P3H3: variants seen among roughly 807,000 people sequenced by gnomAD.
P3H3 encodes the protein prolyl 3-hydroxylase 3, also known as gene rich cluster, B.
P3H3 carries 64 observed loss-of-function variants against 78.1 expected under a neutral mutation model. The ratio of observed to expected loss-of-function variants is 0.82; its 90% CI spans 0.67 to 1.01. The LOEUF is 1.01. P3H3 is among the 50% of genes least tolerant of loss of function. P3H3 has a pLI of 0.00. For missense variants in P3H3, 975 were observed against 982.2 expected, an observed-to-expected ratio of 0.99 and a Z score of 0.10; for synonymous variants, 425 against 416.7, an observed-to-expected ratio of 1.02 and a Z score of -0.24.
In P3H3 at chr12:6,828,685, C is replaced by T; in HGVS notation, c.245C>T (p.Ala82Val). ...RVRLDCGASC[A>V]ADPGAALPAV... The stretch of plus-strand genomic sequence containing the variant: ...CGGCTGGATTGCGGGGCGAGCTGCG[C>T]GGCCGATCCGGGCGCCGCGCTCCCC... Residue 82 changes from alanine to valine, a missense_variant, in exon 1 of 15, where the codon GCG (alanine) becomes GTG (valine). By Grantham distance (64) the Ala-to-Val change is moderately conservative. Coordinates refer to ENST00000290510, the MANE Select transcript of P3H3 (RefSeq NM_014262.5). 8.1e-7 allele frequency: 1 copy of T among 1,240,602 alleles called. No individual in the cohort carries two copies. Among genetic ancestry groups the T allele is most frequent in the Non-Finnish European group, 1.0e-6 (1 of 992,418 alleles). 76.8% of individuals were successfully genotyped at this position (1,240,602 alleles called of 1,614,324 possible).
In P3H3 at chr12:6,833,631, A is replaced by G; in HGVS notation, c.1252A>G (p.Arg418Gly). Residue 418 changes from arginine (R) to glycine (G), a missense_variant, in exon 7 of 15, where the codon AGA becomes GGA. By Grantham distance (125) the Arg-to-Gly change is moderately radical. Coordinates refer to ENST00000290510, the MANE Select transcript of P3H3 (RefSeq NM_014262.5). ...TGCAGCTCTCATCCCTGAGGCACTTAGAGAAAAGCTCAGGTAGGATATGCC... is the reference window on the plus strand; with the variant it reads ...TGCAGCTCTCATCCCTGAGGCACTTGGAGAAAAGCTCAGGTAGGATATGCC... ...TPAALIPEAL[R>G]EKLREDQEKR... 1 of 1,613,870 alleles carries G rather than the reference A, an allele frequency of 6.2e-7. No homozygotes were observed. The highest frequency in any genetic ancestry group is 8.5e-7 in the Non-Finnish European group (1 of 1,179,840).
chr12:6,833,888 A>G (rs1555121773), intron 8 of P3H3, 37 bp from the exon 9 acceptor site: 1 of 1,613,756 alleles, frequency 6.2e-7, no homozygotes, highest in African/African-American at 1.3e-5. Flanking sequence ...CCCTTAGGGG[A>G]TGCTCAGCCC....
Position 6,829,860 on chromosome 12 carries a change from T to A in P3H3, c.500T>A (p.Leu167Ter), listed in dbSNP as rs782517902. The change falls in exon 2 of 15, where the codon TTG (leucine) becomes TAG (stop). Residue 167 changes from leucine (L) to a stop codon, truncating the protein, a stop_gained and splice_region_variant. Coordinates refer to ENST00000290510, the MANE Select transcript of P3H3 (RefSeq NM_014262.5). LOFTEE classifies it high-confidence loss of function. The surrounding 1 kb of genome is among the most constrained non-coding windows in gnomAD (Gnocchi z 5.1). ...YNYLQRAYYQ[L>*]KKLDLAAAAA... Reference sequence around the variant, plus strand: ...GCCCTCCTCCCTTCGCCTCCTCAGTTGAAGAAGCTGGATCTGGCAGCTGCG... The same window carrying A: ...GCCCTCCTCCCTTCGCCTCCTCAGTAGAAGAAGCTGGATCTGGCAGCTGCG... 1.1e-5 allele frequency: 18 copies of A among 1,613,808 alleles called. No individual in the cohort carries two copies. The highest frequency in any genetic ancestry group is 2.7e-5 in the African/African-American group (2 of 74,918).
In P3H3 at chr12:6,839,625, G is replaced by A. The variant is rs1565515757; in HGVS notation, c.*164G>A. On this transcript the variant is annotated 3_prime_UTR_variant, in exon 15 of 15. Transcript: ENST00000290510. ...GGACCTACAAGGGCCTGGACTCAGA[G>A]GACAGTGCACAGGCTAGCCTGGAGC... The A allele has an allele frequency of 2.2e-6, 2 of 918,968 alleles. No individual in the cohort carries two copies. Among genetic ancestry groups the A allele is most frequent in the Non-Finnish European group, 3.2e-6 (2 of 627,830 alleles). 56.9% of individuals were successfully genotyped at this position (918,968 alleles called of 1,614,324 possible).
In P3H3 at chr12:6,830,776, T is replaced by C. The variant is rs188188757; in HGVS notation, c.985+6T>C. The C allele has an allele frequency of 6.2e-4, 998 of 1,613,842 alleles. 1 individual carries two copies. In the African/African-American group the frequency reaches 0.011, roughly 18 times the overall value. On this transcript the variant is annotated splice_donor_region_variant and intron_variant, in intron 4 of 14. Transcript: ENST00000290510. The stretch of plus-strand genomic sequence containing the variant: ...ACATGAGGCCCATGCTCAGGGTCAG[T>C]TGGGGAAGGGTGGAAACGGGGAGTG...
At position 6,839,158 on chromosome 12, in the gene P3H3, A is replaced by G; in HGVS notation, c.2046+18A>G. The G allele has an allele frequency of 6.3e-7, 1 of 1,587,696 alleles. No individual in the cohort carries two copies. The highest frequency in any genetic ancestry group is 8.6e-7 in the Non-Finnish European group (1 of 1,169,216). On this transcript the variant is annotated intron_variant, in intron 14 of 14. Coordinates refer to ENST00000290510, the MANE Select transcript of P3H3 (RefSeq NM_014262.5). ...GGGAGCAGGTAAGGAGCGGGGTAGG[A>G]AGGGATGTGGTTCTCCTGGTGCGTG...
At chr12:6,830,047 G>A (rs782314262) in intron 2 of P3H3, 36 bp downstream of exon 2, 49 of 1,610,804 alleles carry the variant, frequency 3.0e-5, no homozygotes, top group Non-Finnish European at 2.7e-5. Context: ...CTTGCCACCA[G>A]CCTTTTCCTG....
chr12:6,836,858 C>T (rs1943502850), intron 9 of P3H3, 127 bp from the exon 10 acceptor site: 1 of 662,484 alleles, frequency 1.5e-6, no homozygotes, highest in East Asian at 2.7e-5. Flanking sequence ...GGAAGACGAG[C>T]CACAACAGAA....
chr12:6,836,246 A>AAC (rs1943495115), intron 9 of P3H3, among the ~76,000 whole-genome samples: 1 of 151,134 alleles, frequency 6.6e-6, no homozygotes, highest in Non-Finnish European at 1.5e-5. Context: ...AAAAAAAAAA[A>AAC]AAACCCCAGG....
At chr12:6,838,960 G>C (rs1412476016) in intron 13 of P3H3, 40 bp from the exon 14 acceptor site, 1 of 1,529,062 alleles carries the variant, frequency 6.5e-7, no homozygotes, top group East Asian at 2.3e-5. Flanking sequence ...TTCTCTGAGA[G>C]AGCCAATCCC....
chr12:6,830,036 T>C (rs1943432144), intron 2 of P3H3, 25 bp downstream of exon 2: 4 of 1,612,356 alleles, frequency 2.5e-6, no homozygotes, highest in Non-Finnish European at 3.4e-6. Flanking sequence ...ACCACCCCTG[T>C]CTTGCCACCA....
At chr12:6,838,257 A>G (rs1555122532) in intron 13 of P3H3, among the ~76,000 whole-genome samples, 2 of 152,190 alleles carry the variant, frequency 1.3e-5, no homozygotes, top group Non-Finnish European at 2.9e-5. Context: ...AGAAGGGTGA[A>G]TGAAGCACAG....
At chr12:6,832,927 C>T (rs1055993741) in intron 6 of P3H3, among the ~76,000 whole-genome samples, 1 of 146,508 alleles carries the variant, frequency 6.8e-6, no homozygotes, top group Non-Finnish European at 1.5e-5. Context: ...AAACCTAACG[C>T]TGCTTTGGGA....
intron 13 of P3H3, 86 bp from the exon 14 acceptor site, chr12:6,838,914 C>T: frequency 2.5e-6 from 3 of 1,222,764 alleles, no homozygotes; most frequent in South Asian, 1.6e-5. Flanking sequence ...TCTCTGTGCC[C>T]CTGTCCCCAT....
rs5439 is a variant in P3H3, at chr12:6,839,718, A to C, written c.*257A>C. 44,334 of 492,052 alleles carry C rather than the reference A, an allele frequency of 0.09. 2,632 individuals carry two copies. The highest frequency in any genetic ancestry group is 0.18 in the South Asian group (5,396 of 29,272). 30.5% of individuals were successfully genotyped at this position (492,052 alleles called of 1,614,324 possible). ...CTGCAGCCCTGGACAGATGGGGAAC[A>C]CTGTGCCTCCCTGAACAGAAATGGC... On this transcript the variant is annotated 3_prime_UTR_variant, in exon 15 of 15. Transcript: ENST00000290510.
intron 13 of P3H3, among the ~76,000 whole-genome samples, chr12:6,838,371 G>A (rs1943523072): frequency 6.6e-6 from 1 of 152,174 alleles, no homozygotes; most frequent in Non-Finnish European, 1.5e-5. Flanking sequence ...CTGGCGCACA[G>A]ATACCAGGGC....
chr12:6,828,546 GC>G lies in P3H3; in HGVS notation c.111del (p.Asp38ThrfsTer88). ...TQLSPGAPPQ[A>X]PDLLYADGLR... ...GCTGTCCCCGGGGGCGCCCCCGCAG[GC>G]CCCCGACTTGCTCTACGCTGACGGG... On this transcript the variant is annotated frameshift_variant, in exon 1 of 15. Coordinates refer to ENST00000290510, the MANE Select transcript of P3H3 (RefSeq NM_014262.5). LOFTEE classifies it high-confidence loss of function. 1 of 1,272,220 alleles carries G rather than the reference GC, an allele frequency of 7.9e-7. No homozygotes were observed. 78.8% of individuals were successfully genotyped at this position (1,272,220 alleles called of 1,614,324 possible). A position where few individuals can be genotyped will look rare whatever the true frequency, so the allele number is the denominator to read the frequency against.
rs781961864 is a variant in P3H3 at position 6,830,753 on chromosome 12, A to G, written c.968A>G (p.His323Arg). Residue 323 changes from histidine to arginine, a missense_variant, in exon 4 of 15, where the codon CAT becomes CGT. Transcript: ENST00000290510. Reference sequence around the variant, plus strand: ...CTTCCCAACCAGCTGAGGCGGCTACATGAGGCCCATGCTCAGGGTCAGTTG... The same window carrying G: ...CTTCCCAACCAGCTGAGGCGGCTACGTGAGGCCCATGCTCAGGGTCAGTTG... ...DFLPNQLRRL[H>R]EAHAQVGNLS... The G allele has an allele frequency of 3.7e-5, 60 of 1,613,824 alleles. No individual in the cohort carries two copies. Among genetic ancestry groups the G allele is most frequent in the Non-Finnish European group, 4.2e-6 (5 of 1,179,870 alleles).
In P3H3 at chr12:6,839,128, G is replaced by A; in HGVS notation, c.2034G>A (p.Glu678=). Reference sequence around the variant, plus strand: ...CACTGTGGCACACGTGGGCACCTGAGCACAGGGAGCAGGTAAGGAGCGGGG... The same window carrying A: ...CACTGTGGCACACGTGGGCACCTGAACACAGGGAGCAGGTAAGGAGCGGGG... ...ALALWHTWAP[E]HREQEWIEAK... is the part of the protein sequence containing the mutation. The change falls in exon 14 of 15, where the codon GAG becomes GAA. Residue 678 remains glutamate, a synonymous_variant. Transcript: ENST00000290510. The A allele has an allele frequency of 6.2e-7, 1 of 1,603,038 alleles. No individual in the cohort carries two copies.
Sources: gnomAD v4.1 joint callset for allele counts (sites outside exome capture counted in the v4.1 genomes callset) on GRCh38, gnomAD v4.1.1 for gene constraint, Gnocchi (gnomAD v3.1) non-coding constraint, MANE v1.5 for transcripts, NCBI Gene and HGNC (gene_info 2026-07-23, HGNC 2026-07-21) for gene names.